Variants in RNF24 observed in about 807,000 individuals in gnomAD.
RNF24 encodes ring finger protein 24.
RNF24 carries 14 observed loss-of-function variants against 20.0 expected under a neutral mutation model. The observed-to-expected ratio is 0.70, with a 90% confidence interval of 0.46 to 1.10. The LOEUF (loss-of-function observed/expected upper bound fraction) is 1.10. Among genes scored for constraint, RNF24 ranks in the 50% least tolerant of loss-of-function variants. The pLI, the probability that RNF24 is intolerant of heterozygous loss-of-function variation, is 0.00. For synonymous variants in RNF24, 45 were observed against 61.1 expected (o/e 0.74, Z 1.23); for missense variants, 124 against 177.6 (o/e 0.70, Z 1.71).
chr20:3,989,417 G>A (rs1980217888), intron 1 of RNF24, among the ~76,000 whole-genome samples: 1 of 151,954 alleles, frequency 6.6e-6, no homozygotes, highest in African/African-American at 2.4e-5. Context: ...CGTGAACCCT[G>A]GAGGCGGAGC....
At chr20:4,003,280 T>C (rs1233796237) in intron 1 of RNF24, among the ~76,000 whole-genome samples, 1 of 152,200 alleles carries the variant, frequency 6.6e-6, no homozygotes, top group Non-Finnish European at 1.5e-5. Context: ...AGAATTTTTC[T>C]TTTTGTGTAA....
chr20:3,997,455 C>G (rs1411973997), intron 1 of RNF24, among the ~76,000 whole-genome samples: 1 of 150,026 alleles, frequency 6.7e-6, no homozygotes, highest in Admixed American at 6.6e-5. Context: ...GAGGCAGGGT[C>G]TTGTTCTGTT....
At position 3,935,250 on chromosome 20, in the gene RNF24, T is replaced by G. The variant is rs76211794; in HGVS notation, c.229-177A>C. On this transcript the variant is annotated intron_variant, in intron 4 of 5. Coordinates refer to ENST00000358395, the MANE Select transcript of RNF24 (RefSeq NM_001134337.3). ...AAAGAAACAGGCCAAAATAGATGAA[T>G]GTCTCCTGCTCTTCCTGTCCCATAT... Among the ~76,000 whole-genome samples, 691 of 151,594 alleles carry G rather than the reference T, an allele frequency of 4.6e-3. 7 individuals are homozygous for G. Among genetic ancestry groups the G allele is most frequent in the African/African-American group, 0.016 (648 of 41,366 alleles).
chr20:3,970,488 A>G (rs1476980506), intron 1 of RNF24, among the ~76,000 whole-genome samples: 1 of 152,250 alleles, frequency 6.6e-6, no homozygotes, highest in African/African-American at 2.4e-5. Context: ...ATGAGAAATG[A>G]TAATTAACAG....
chr20:3,993,334 C>T (rs1489635995), intron 1 of RNF24, among the ~76,000 whole-genome samples: 1 of 152,034 alleles, frequency 6.6e-6, no homozygotes, highest in Non-Finnish European at 1.5e-5. Flanking sequence ...ACTACCCAGG[C>T]TGGAGTACAG....
At position 3,933,456 on chromosome 20, in the gene RNF24, T is replaced by C; in HGVS notation, c.*607A>G. 1 of 335,424 alleles carries C rather than the reference T, an allele frequency of 3.0e-6. No homozygotes were observed. The highest frequency in any genetic ancestry group is 5.4e-6 in the Non-Finnish European group (1 of 186,802). 20.8% of individuals were successfully genotyped at this position (335,424 alleles called of 1,614,324 possible). ...ACTAGGCCTTTCCAAGCGCATCTCA[T>C]GTTTTCAGCTTAGATGATTTGATAG... On this transcript the variant is annotated 3_prime_UTR_variant, in exon 6 of 6. Transcript: ENST00000358395.
chr20:3,933,056 TGAC>T lies in RNF24; in HGVS notation c.*1004_*1006del, dbSNP rs1459982551. 1 of 382,270 alleles carries T rather than the reference TGAC, an allele frequency of 2.6e-6. No homozygotes were observed. The highest frequency in any genetic ancestry group is 4.5e-6 in the Non-Finnish European group (1 of 223,320). 23.7% of individuals were successfully genotyped at this position (382,270 alleles called of 1,614,324 possible). The stretch of plus-strand genomic sequence containing the variant: ...TTGGGATAAAGTGTTAAAAAGTGAA[TGAC>T]AGGCTTTTTTTTTTTTTTTTTTTTT... On this transcript the variant is annotated 3_prime_UTR_variant, in exon 6 of 6. Transcript: ENST00000358395.
At chr20:3,966,507 T>TGTGTGTGTGTG (rs60638000) in intron 1 of RNF24, among the ~76,000 whole-genome samples, 23 of 145,304 alleles carry the variant, frequency 1.6e-4, no homozygotes, top group African/African-American at 2.3e-4. Context: ...TGTGTGTGTG[T>TGTGTGTGTGTG]TTGGGGAAAG....
chr20:3,983,033 T>G (rs1331750119), intron 1 of RNF24, among the ~76,000 whole-genome samples: 1 of 152,220 alleles, frequency 6.6e-6, no homozygotes, highest in African/African-American at 2.4e-5. Flanking sequence ...TCTCTCTGTC[T>G]TTCCCCTTCT....
intron 1 of RNF24, among the ~76,000 whole-genome samples, chr20:4,004,165 A>C (rs1468687513): frequency 1.3e-5 from 2 of 152,130 alleles, no homozygotes; most frequent in Admixed American, 1.3e-4. Flanking sequence ...TGCACATCCC[A>C]GGCTATCCCC....
At chr20:4,008,823 G>C (rs575241023) in intron 1 of RNF24, among the ~76,000 whole-genome samples, 2 of 151,724 alleles carry the variant, frequency 1.3e-5, no homozygotes, top group Admixed American at 6.6e-5. Context: ...GGGATTACAG[G>C]CATAAGCCAC....
chr20:3,985,862 C>T (rs1313752985), intron 1 of RNF24, among the ~76,000 whole-genome samples: 1 of 152,054 alleles, frequency 6.6e-6, no homozygotes, highest in Non-Finnish European at 1.5e-5. Context: ...CCTCCGCCTC[C>T]CGAGTAGCTG....
intron 4 of RNF24, among the ~76,000 whole-genome samples, chr20:3,941,047 C>T (rs115992322): frequency 0.01 from 1,528 of 152,028 alleles, 16 homozygotes; most frequent in African/African-American, 0.035. Flanking sequence ...TTTTTGAGAC[C>T]AGGCCTCACT....
chr20:3,947,375 G>A (rs549738435), intron 3 of RNF24, among the ~76,000 whole-genome samples: 1 of 152,142 alleles, frequency 6.6e-6, no homozygotes, highest in South Asian at 2.1e-4. Context: ...CTGTTTGGAA[G>A]AAAAAAATAA....
intron 1 of RNF24, among the ~76,000 whole-genome samples, chr20:3,982,337 G>GGAGGCC (rs1463650896): frequency 6.6e-6 from 1 of 151,828 alleles, no homozygotes; most frequent in Non-Finnish European, 1.5e-5. Context: ...CAGCACTTTG[G>GGAGGCC]GAGGCCGAGG....
intron 1 of RNF24, among the ~76,000 whole-genome samples, chr20:4,011,278 G>A (rs1486547096): frequency 6.6e-6 from 1 of 152,212 alleles, no homozygotes; most frequent in African/African-American, 2.4e-5. Context: ...CCATTCAAGA[G>A]TGAAGGTAAA....
intron 1 of RNF24, among the ~76,000 whole-genome samples, chr20:4,007,763 A>C (rs1982002131): frequency 6.6e-6 from 1 of 151,140 alleles, no homozygotes; most frequent in Admixed American, 6.6e-5. Context: ...AAAAAGAAAA[A>C]AAATTAGCCT....
chr20:3,949,343 G>T (rs939111083), intron 2 of RNF24, among the ~76,000 whole-genome samples: 4 of 151,978 alleles, frequency 2.6e-5, no homozygotes, highest in African/African-American at 9.7e-5. Flanking sequence ...TCATGCCACT[G>T]CACTCCAGCC....
At chr20:4,012,229 A>C (rs1202274530) in intron 1 of RNF24, among the ~76,000 whole-genome samples, 1 of 152,182 alleles carries the variant, frequency 6.6e-6, no homozygotes, top group East Asian at 1.9e-4. Context: ...TCTGGCCAAC[A>C]TGGCAAAACT....
Sources: allele counts gnomAD v4.1 joint callset (sites outside exome capture counted in the v4.1 genomes callset), GRCh38; gene constraint gnomAD v4.1.1; transcripts MANE v1.5; gene names NCBI Gene and HGNC (gene_info 2026-07-23, HGNC 2026-07-21).